Variants in CCSER1 observed in about 807,000 individuals in gnomAD.
CCSER1 encodes coiled-coil serine rich protein 1.
In CCSER1, 41 loss-of-function variants were observed where a neutral mutation model predicts 82.0. The ratio of observed to expected loss-of-function variants is 0.50; its 90% CI spans 0.39 to 0.65. The LOEUF (loss-of-function observed/expected upper bound fraction) is 0.65. Ranked by LOEUF, CCSER1 falls within the 30% of genes least tolerant of loss-of-function variation. CCSER1 has a pLI of 0.00. For synonymous variants in CCSER1, 414 were observed against 383.9 expected, an observed-to-expected ratio of 1.08 and a Z score of -0.92; for missense variants, 1,119 against 1,064.2, an observed-to-expected ratio of 1.05 and a Z score of -0.72.
intron 6 of CCSER1, among the ~76,000 whole-genome samples, chr4:90,648,057 T>C (rs1169833256): frequency 2.0e-5 from 3 of 151,932 alleles, no homozygotes; most frequent in Non-Finnish European, 4.4e-5. Flanking sequence ...CACTATCTGC[T>C]TGAGCTTTAT....
At chr4:91,082,033 T>C (rs192238904) in intron 9 of CCSER1, among the ~76,000 whole-genome samples, 1 of 152,272 alleles carries the variant, frequency 6.6e-6, no homozygotes, top group Admixed American at 6.5e-5. Flanking sequence ...AAGCTACCAA[T>C]GACTTTCTTC....
intron 6 of CCSER1, among the ~76,000 whole-genome samples, chr4:90,702,181 G>A (rs986539818): frequency 5.9e-5 from 9 of 152,156 alleles, no homozygotes. Context: ...TTTTTAGCAT[G>A]AAGGGCTGTT....
intron 6 of CCSER1, among the ~76,000 whole-genome samples, chr4:90,670,041 A>G (rs1408698414): frequency 6.6e-6 from 1 of 152,152 alleles, no homozygotes; most frequent in Admixed American, 6.5e-5. Context: ...CTATTCCACA[A>G]TTATGATCTC....
At chr4:91,560,300 A>G (rs1206758949) in intron 10 of CCSER1, among the ~76,000 whole-genome samples, 1 of 132,244 alleles carries the variant, frequency 7.6e-6, no homozygotes, top group African/African-American at 2.9e-5. Context: ...AAGGAAACAA[A>G]CACTTTTCAG....
chr4:91,063,328 A>C (rs1170515300), intron 9 of CCSER1, among the ~76,000 whole-genome samples: 1 of 152,122 alleles, frequency 6.6e-6, no homozygotes, highest in Non-Finnish European at 1.5e-5. Context: ...GGATTAAATG[A>C]GATAAGGCAT....
At chr4:91,474,163 T>A (rs904680081) in intron 10 of CCSER1, among the ~76,000 whole-genome samples, 1 of 151,996 alleles carries the variant, frequency 6.6e-6, no homozygotes, top group African/African-American at 2.4e-5. Flanking sequence ...GATCAGAAGT[T>A]AAACACTGGG....
intron 10 of CCSER1, among the ~76,000 whole-genome samples, chr4:91,416,378 A>G (rs1016092189): frequency 1.2e-4 from 18 of 152,192 alleles, no homozygotes; most frequent in South Asian, 2.1e-4. Flanking sequence ...ATGGAACCAA[A>G]AAAGAGCCTG....
chr4:91,121,908 T>G (rs1727124318), intron 10 of CCSER1, among the ~76,000 whole-genome samples: 1 of 151,634 alleles, frequency 6.6e-6, no homozygotes, highest in African/African-American at 2.4e-5. Flanking sequence ...TATCTATGGA[T>G]GTCAAAAGAA....
chr4:91,439,321 A>G (rs892022219), intron 10 of CCSER1, among the ~76,000 whole-genome samples: 4 of 152,200 alleles, frequency 2.6e-5, no homozygotes, highest in Non-Finnish European at 5.9e-5. Context: ...AGTGGGGGCC[A>G]ATATTCAACA....
chr4:91,505,798 G>T (rs2110103372), intron 10 of CCSER1, among the ~76,000 whole-genome samples: 1 of 152,064 alleles, frequency 6.6e-6, no homozygotes, highest in Admixed American at 6.5e-5. Context: ...TATTTGTTTT[G>T]TTTCTTGTAA....
chr4:91,085,087 T>A (rs1171853243), intron 9 of CCSER1, among the ~76,000 whole-genome samples: 1 of 151,140 alleles, frequency 6.6e-6, no homozygotes, highest in East Asian at 1.9e-4. Flanking sequence ...ATAGGTCTAG[T>A]GCATCTTTAC....
intron 8 of CCSER1, among the ~76,000 whole-genome samples, chr4:90,833,089 T>A (rs1435113423): frequency 6.6e-6 from 1 of 152,186 alleles, no homozygotes; most frequent in Non-Finnish European, 1.5e-5. Context: ...GGGTAATTTA[T>A]AAATAATAGA....
chr4:90,962,696 G>A (rs1734166919), intron 9 of CCSER1, among the ~76,000 whole-genome samples: 2 of 152,130 alleles, frequency 1.3e-5, no homozygotes, highest in Non-Finnish European at 2.9e-5. Flanking sequence ...CATTAGAGAT[G>A]ACAGAATATT....
chr4:90,983,416 G>A lies in CCSER1; in HGVS notation c.2172+59969G>A, dbSNP rs190508312. ...TTGTCAAATTTACTGTAAATAATTT[G>A]GGTAGAGAACTGGATATGTGACCTC... On this transcript the variant is annotated intron_variant, in intron 9 of 10. Transcript: ENST00000509176. Among the ~76,000 whole-genome samples the A allele has an allele frequency of 2.4e-4, 36 of 151,592 alleles. No homozygotes were observed. In the East Asian group the frequency reaches 6.6e-3, roughly 28 times the overall value.
intron 5 of CCSER1, among the ~76,000 whole-genome samples, chr4:90,517,001 G>A (rs1414449542): frequency 6.6e-6 from 1 of 152,038 alleles, no homozygotes; most frequent in African/African-American, 2.4e-5. Flanking sequence ...TTACGATGGG[G>A]TTACATCCCA....
intron 10 of CCSER1, among the ~76,000 whole-genome samples, chr4:91,371,335 G>GCTAAC (rs1303707958): frequency 6.7e-6 from 1 of 149,190 alleles, no homozygotes. Context: ...CTCAGCCTCT[G>GCTAAC]CTAACCATCT....
At chr4:90,735,779 C>A (rs1164798284) in intron 7 of CCSER1, among the ~76,000 whole-genome samples, 2 of 151,780 alleles carry the variant, frequency 1.3e-5, no homozygotes, top group East Asian at 3.9e-4. Flanking sequence ...TTTTCTAGTT[C>A]TTTAAAATGC....
chr4:91,441,908 T>C (rs1755183059), intron 10 of CCSER1, among the ~76,000 whole-genome samples: 1 of 152,014 alleles, frequency 6.6e-6, no homozygotes, highest in Non-Finnish European at 1.5e-5. Context: ...GGAATCCAAC[T>C]TACAAGGGAT....
intron 8 of CCSER1, among the ~76,000 whole-genome samples, chr4:90,910,875 A>G (rs1726226512): frequency 2.0e-5 from 3 of 150,750 alleles, no homozygotes; most frequent in Admixed American, 6.6e-5. Flanking sequence ...TAACAGGCCA[A>G]CTATTAACAC....
Sources: allele counts gnomAD v4.1 joint callset (sites outside exome capture counted in the v4.1 genomes callset), GRCh38; gene constraint gnomAD v4.1.1; transcripts MANE v1.5; gene names NCBI Gene and HGNC (gene_info 2026-07-23, HGNC 2026-07-21).